GPN3: variants seen among roughly 807,000 people sequenced by gnomAD.
GPN3 encodes the protein ATP-binding domain 1 family member C.
Under a neutral mutation model 38.7 loss-of-function variants are expected in GPN3, and 31 were observed. The ratio of observed to expected loss-of-function variants is 0.80; its 90% CI spans 0.60 to 1.08. The LOEUF is 1.08. Among genes scored for constraint, GPN3 ranks in the 50% least tolerant of loss-of-function variants. GPN3 has a pLI of 0.00. For missense variants in GPN3, 301 were observed against 354.4 expected (o/e 0.85, Z 1.21); for synonymous variants, 116 against 120.2 (o/e 0.96, Z 0.23).
Position 110,459,735 on chromosome 12 carries a change from A to C in GPN3, c.285T>G (p.Leu95=). 6.2e-7 allele frequency: 1 copy of C among 1,613,292 alleles called. No individual in the cohort carries two copies. Among genetic ancestry groups the C allele is most frequent in the Non-Finnish European group, 8.5e-7 (1 of 1,179,194 alleles). The change falls in exon 3 of 8, where the codon CTT becomes CTG. Residue 95 remains leucine (L), a synonymous_variant. Coordinates refer to ENST00000228827, the MANE Select transcript of GPN3 (RefSeq NM_016301.4). The part of the protein sequence containing the change: ...ANNFDWLENC[L]GHVEDDYILF... ...GGATATAGTCGTCCTCTACATGGCC[A>C]AGACAGTTCTCCAGCCAGTCAAAAT...
upstream of GPN3, chr12:110,468,679 C>T: frequency 1.3e-6 from 2 of 1,532,192 alleles, no homozygotes; most frequent in Non-Finnish European, 1.7e-6. Flanking sequence ...CAGAGAGGTG[C>T]AAACGTGCAA....
Position 110,453,747 on chromosome 12 carries a change from G to C in GPN3, c.788C>G (p.Pro263Arg). Residue 263 changes from proline (P) to arginine (R), a missense_variant, in exon 7 of 8, where the codon CCA (proline) becomes CGA (arginine). Physicochemically the swap from Pro to Arg is moderately radical, Grantham distance 103 (BLOSUM62 -2). Coordinates refer to ENST00000228827, the MANE Select transcript of GPN3 (RefSeq NM_016301.4). ...QYGEDLEFKEPKEREDESSSM... is the reference protein window; with the variant it reads ...QYGEDLEFKERKEREDESSSM... ...ACACCCCAAACCAGAAATTACCTTT[G>C]GTTCTTTAAATTCTAGGTCTTCTCC... 1 of 1,606,662 alleles carries C rather than the reference G, an allele frequency of 6.2e-7. No homozygotes were observed. Among genetic ancestry groups the C allele is most frequent in the Non-Finnish European group, 8.5e-7 (1 of 1,173,652 alleles).
chr12:110,457,686 T>C, intron 3 of GPN3, 52 bp from the exon 4 acceptor site: 1 of 1,457,942 alleles, frequency 6.9e-7, no homozygotes, highest in Non-Finnish European at 9.3e-7. Flanking sequence ...TGTTAAATCA[T>C]CAAGTTAGAG....
chr12:110,468,669 C>T (rs1350331902), upstream of GPN3: 1 of 1,536,102 alleles, frequency 6.5e-7, no homozygotes, highest in African/African-American at 1.4e-5. Context: ...ACTGCTTCCA[C>T]AGAGAGGTGC....
chr12:110,461,452 TAGTC>T (rs1244106821), intron 2 of GPN3: 9 of 560,466 alleles, frequency 1.6e-5, no homozygotes, highest in Non-Finnish European at 2.5e-5. Context: ...ATAGAAAAAT[TAGTC>T]AGGTGTGCTG....
intron 7 of GPN3, 90 bp downstream of exon 7, chr12:110,453,648 CTAATT>C (rs1238051007): frequency 6.3e-6 from 6 of 955,416 alleles, no homozygotes; most frequent in Non-Finnish European, 9.7e-6. Context: ...AGACAAAAAA[CTAATT>C]TAAGGAGTCG....
At chr12:110,457,481 A>C in intron 4 of GPN3, 29 bp downstream of exon 4, 1 of 1,461,948 alleles carries the variant, frequency 6.8e-7, no homozygotes, top group Non-Finnish European at 9.0e-7. Flanking sequence ...AAAAAAAAAA[A>C]AAAATCTGTA....
At chr12:110,454,755 C>G (rs1027767166) in intron 6 of GPN3, among the ~76,000 whole-genome samples, 8 of 152,058 alleles carry the variant, frequency 5.3e-5, no homozygotes, top group Middle Eastern at 3.4e-3. Context: ...CTTGACCTCC[C>G]AGGCTCAAGG....
rs1555297402 is a variant in GPN3 at position 110,458,128 on chromosome 12, AAAAG to A, written c.326-498_326-495del. ...AAGACTCTGTCTTTAAAAATAAAAA[AAAAG>A]AAAGAAAGAAAGAAAATGAGGTTCT... is the stretch of plus-strand genomic sequence containing the variant. On this transcript the variant is annotated intron_variant, in intron 3 of 7. Transcript: ENST00000228827. The surrounding 1 kb of genome is among the most constrained non-coding windows in gnomAD (Gnocchi z 4.4). 3.3e-5 allele frequency among the ~76,000 whole-genome samples: 5 copies of A among 152,008 alleles called. No homozygotes were observed. Among genetic ancestry groups the A allele is most frequent in the East Asian group, 1.9e-4 (1 of 5,186 alleles).
At chr12:110,460,969 C>A in intron 2 of GPN3, 1 of 1,219,536 alleles carries the variant, frequency 8.2e-7, no homozygotes, top group Non-Finnish European at 1.2e-6. Context: ...ATCTCACTTT[C>A]CAACTTGGAC....
At chr12:110,465,922 C>CA (rs1451299577) in intron 1 of GPN3, among the ~76,000 whole-genome samples, 4 of 151,962 alleles carry the variant, frequency 2.6e-5, no homozygotes, top group Non-Finnish European at 5.9e-5. Flanking sequence ...ACTAAAAATA[C>CA]AAAAATTAGC....
At position 110,452,718 on chromosome 12, in the gene GPN3, A is replaced by G. The variant is rs2062520945; in HGVS notation, c.*316T>C. On this transcript the variant is annotated 3_prime_UTR_variant, in exon 8 of 8. Coordinates refer to ENST00000228827, the MANE Select transcript of GPN3 (RefSeq NM_016301.4). ...GTAATTCCTGCATCTCAAAAATAATACAAAAAGTGAAAATAAGTTTAGACC... is the reference window on the plus strand; with the variant it reads ...GTAATTCCTGCATCTCAAAAATAATGCAAAAAGTGAAAATAAGTTTAGACC... 2 of 246,538 alleles carry G rather than the reference A, an allele frequency of 8.1e-6. No individual in the cohort carries two copies. The highest frequency in any genetic ancestry group is 1.0e-4 in the Admixed American group (2 of 19,850). 15.3% of individuals were successfully genotyped at this position (246,538 alleles called of 1,614,324 possible). A position where few individuals can be genotyped will look rare whatever the true frequency, so the allele number is the denominator to read the frequency against.
chr12:110,468,234 C>A lies in GPN3; in HGVS notation c.-31G>T, dbSNP rs771258288. 11 of 1,607,336 alleles carry A rather than the reference C, an allele frequency of 6.8e-6. No individual in the cohort carries two copies. The Admixed American group carries it at 1.3e-4, about 19-fold the overall frequency. On this transcript the variant is annotated 5_prime_UTR_variant, in exon 1 of 8. In the 5' UTR this introduces an upstream ATG that the reference lacks. Coordinates refer to ENST00000228827, the MANE Select transcript of GPN3 (RefSeq NM_016301.4). ...CTCCCGGAGCCGCCCGCCACACTCC[C>A]TTAGCCTTCGCGCGACGCCCACTGA...
intron 1 of GPN3, 83 bp from the exon 2 acceptor site, chr12:110,465,297 G>A: frequency 1.2e-6 from 1 of 820,850 alleles, no homozygotes; most frequent in Non-Finnish European, 2.2e-6. Context: ...ATCCACTAAG[G>A]TCAAAACTAT....
Position 110,465,226 on chromosome 12 carries a change from C to G in GPN3, c.49-12G>C. 6.8e-7 allele frequency: 1 copy of G among 1,481,148 alleles called. No individual in the cohort carries two copies. The highest frequency in any genetic ancestry group is 1.4e-5 in the African/African-American group (1 of 72,528). 91.8% of individuals were successfully genotyped at this position (1,481,148 alleles called of 1,614,324 possible). A position where few individuals can be genotyped will look rare whatever the true frequency, so the allele number is the denominator to read the frequency against. ...GCACAGTAGGTGCTCTGTAATGTCACAAGGCATGAGAGGTTAAAGCAACAG... is the reference window on the plus strand; with the variant it reads ...GCACAGTAGGTGCTCTGTAATGTCAGAAGGCATGAGAGGTTAAAGCAACAG... On this transcript the variant is annotated splice_polypyrimidine_tract_variant and intron_variant, in intron 1 of 7. Transcript: ENST00000228827.
At chr12:110,461,392 T>G in intron 2 of GPN3, 1 of 548,834 alleles carries the variant, frequency 1.8e-6, no homozygotes, top group South Asian at 2.1e-5. Flanking sequence ...CAAATAAAGT[T>G]ATAAAATTGA....
intron 2 of GPN3, among the ~76,000 whole-genome samples, chr12:110,463,074 C>T (rs1439158139): frequency 6.6e-6 from 1 of 152,164 alleles, no homozygotes; most frequent in East Asian, 1.9e-4. Flanking sequence ...TGTACTTCTA[C>T]TCTCAACCCA....
chr12:110,463,699 T>A (rs1333318015), intron 2 of GPN3, among the ~76,000 whole-genome samples: 3 of 143,282 alleles, frequency 2.1e-5, no homozygotes, highest in Non-Finnish European at 4.5e-5. Flanking sequence ...CTTGGGAGGC[T>A]GAGATGGGAG....
At chr12:110,463,794 A>C (rs112204303) in intron 2 of GPN3, among the ~76,000 whole-genome samples, 46 of 151,434 alleles carry the variant, frequency 3.0e-4, no homozygotes, top group South Asian at 4.2e-4. Flanking sequence ...AAAAAAAAAA[A>C]AAACCCCAAA....
Sources: allele counts gnomAD v4.1 joint callset (sites outside exome capture counted in the v4.1 genomes callset), GRCh38; gene constraint gnomAD v4.1.1; non-coding constraint Gnocchi (gnomAD v3.1); transcripts MANE v1.5; gene names NCBI Gene and HGNC (gene_info 2026-07-23, HGNC 2026-07-21).